Variants in RASAL2 observed in about 807,000 individuals in gnomAD.
RASAL2 encodes the protein RAS protein activator like 2, also known as ras GTPase-activating protein nGAP.
Under a neutral mutation model 128.9 loss-of-function variants are expected in RASAL2, and 58 were observed. That is an observed-to-expected ratio of 0.45 (90% CI 0.36 to 0.56). RASAL2 has a LOEUF of 0.56. Ranked by LOEUF, RASAL2 falls within the 20% of genes least tolerant of loss-of-function variation. RASAL2 has a pLI of 0.00. For missense variants in RASAL2, 1,360 were observed against 1,601.6 expected, an observed-to-expected ratio of 0.85 and a Z score of 2.57; for synonymous variants, 561 against 580.8, an observed-to-expected ratio of 0.97 and a Z score of 0.49.
At chr1:178,122,287 T>C (rs2102277353) in intron 1 of RASAL2, among the ~76,000 whole-genome samples, 1 of 152,270 alleles carries the variant, frequency 6.6e-6, no homozygotes. Flanking sequence ...TAAGAAAAAA[T>C]ACGACAAGTA....
At chr1:178,120,987 G>A (rs1475921166) in intron 1 of RASAL2, 2 of 152,238 alleles carry the variant, frequency 1.3e-5, no homozygotes, top group Non-Finnish European at 2.9e-5. Flanking sequence ...GTTCCTAACA[G>A]GAACCAGGGT....
chr1:178,441,105 G>T (rs144430981), intron 6 of RASAL2, among the ~76,000 whole-genome samples: 12 of 132,438 alleles, frequency 9.1e-5, no homozygotes, highest in African/African-American at 3.4e-4. Flanking sequence ...AATGGATGTG[G>T]ATGCTACCTA....
chr1:178,128,794 C>T (rs945441954), intron 1 of RASAL2, among the ~76,000 whole-genome samples: 12 of 152,026 alleles, frequency 7.9e-5, no homozygotes, highest in African/African-American at 2.7e-4. Context: ...ATTTGTGGCT[C>T]TTTGTGACTG....
intron 1 of RASAL2, among the ~76,000 whole-genome samples, chr1:178,183,137 G>A (rs1187651981): frequency 1.3e-5 from 2 of 152,290 alleles, no homozygotes; most frequent in South Asian, 2.1e-4. Context: ...CCCTGAACTA[G>A]AGTATAGTGC....
intron 3 of RASAL2, among the ~76,000 whole-genome samples, chr1:178,376,913 T>A (rs147788767): frequency 5.1e-4 from 77 of 152,294 alleles, no homozygotes; most frequent in African/African-American, 1.4e-3. Context: ...CTTATTCTAC[T>A]ACTATTCTGT....
In RASAL2 at chr1:178,263,943, G is replaced by A. The variant is rs181752347; in HGVS notation, c.203-19621G>A. On this transcript the variant is annotated intron_variant, in intron 1 of 17. Coordinates refer to ENST00000367649, the MANE Select transcript of RASAL2 (RefSeq NM_170692.4). ...TCCATAGGAATTCTAGCAGAGGTCA[G>A]CGTGTGCCATTGTGCTCTGAGTTAG... is the stretch of plus-strand genomic sequence containing the variant. 8.3e-4 allele frequency among the ~76,000 whole-genome samples: 127 copies of A among 152,320 alleles called. 1 individual carries two copies. Among genetic ancestry groups the A allele is most frequent in the African/African-American group, 2.9e-3 (120 of 41,564 alleles).
intron 1 of RASAL2, among the ~76,000 whole-genome samples, chr1:178,135,745 G>C (rs1660299474): frequency 6.6e-6 from 1 of 152,160 alleles, no homozygotes; most frequent in Non-Finnish European, 1.5e-5. Context: ...CCATGTGGCT[G>C]GGGAAGCCTC....
intron 1 of RASAL2, among the ~76,000 whole-genome samples, chr1:178,233,477 T>C (rs1043539489): frequency 2.6e-5 from 4 of 152,292 alleles, no homozygotes; most frequent in African/African-American, 9.6e-5. Context: ...CACTGGGTGC[T>C]TATCGGTGGC....
chr1:178,280,345 C>G (rs575946449), intron 1 of RASAL2, among the ~76,000 whole-genome samples: 1 of 151,914 alleles, frequency 6.6e-6, no homozygotes, highest in Admixed American at 6.6e-5. Context: ...ATAAAAGAGT[C>G]GCTCTTTTAA....
chr1:178,327,838 A>G (rs1669110618), intron 3 of RASAL2, among the ~76,000 whole-genome samples: 1 of 152,182 alleles, frequency 6.6e-6, no homozygotes, highest in African/African-American at 2.4e-5. Flanking sequence ...TCCTAATCCA[A>G]TGACAAATTT....
intron 1 of RASAL2, among the ~76,000 whole-genome samples, chr1:178,142,235 C>G (rs1660560734): frequency 6.6e-6 from 1 of 152,072 alleles, no homozygotes; most frequent in Non-Finnish European, 1.5e-5. Flanking sequence ...AGACTCCACT[C>G]CAGCCACTTT....
intron 1 of RASAL2, among the ~76,000 whole-genome samples, chr1:178,275,360 C>G (rs1460379118): frequency 6.6e-6 from 1 of 152,176 alleles, no homozygotes; most frequent in Admixed American, 6.5e-5. Flanking sequence ...CTTATTTCTT[C>G]AAGTGCATAT....
rs57105110 is a variant in RASAL2 at position 178,129,499 on chromosome 1, A to G, written c.202+34805A>G. ...TATATATTCTGAATAAAAGATCTTT[A>G]TAAAGATAGGTGATTTTTATATGTT... On this transcript the variant is annotated intron_variant, in intron 1 of 17. Coordinates refer to ENST00000367649, the MANE Select transcript of RASAL2 (RefSeq NM_170692.4). Among the ~76,000 whole-genome samples, 838 of 152,204 alleles carry G rather than the reference A, an allele frequency of 5.5e-3. 11 individuals carry two copies. The highest frequency in any genetic ancestry group is 0.019 in the African/African-American group (785 of 41,564).
chr1:178,209,853 C>G (rs1050058461), intron 1 of RASAL2, among the ~76,000 whole-genome samples: 4 of 151,832 alleles, frequency 2.6e-5, no homozygotes, highest in African/African-American at 7.2e-5. Flanking sequence ...GGCCTTCTTT[C>G]TCTTTCTTAC....
At chr1:178,279,189 T>G (rs1267151820) in intron 1 of RASAL2, among the ~76,000 whole-genome samples, 1 of 152,234 alleles carries the variant, frequency 6.6e-6, no homozygotes, top group Non-Finnish European at 1.5e-5. Context: ...ACCATCTATA[T>G]TGGACTTCCT....
intron 1 of RASAL2, among the ~76,000 whole-genome samples, chr1:178,196,691 T>C (rs1461828553): frequency 1.3e-5 from 2 of 152,200 alleles, no homozygotes; most frequent in Admixed American, 6.5e-5. Flanking sequence ...GACTTAAGCA[T>C]CCTTGGATTC....
chr1:178,463,391 T>C (rs1205547111), intron 14 of RASAL2, among the ~76,000 whole-genome samples: 1 of 152,178 alleles, frequency 6.6e-6, no homozygotes, highest in African/African-American at 2.4e-5. Flanking sequence ...ATAAATATTG[T>C]AATGACTGAC....
chr1:178,417,907 G>A (rs1335625369), intron 4 of RASAL2, among the ~76,000 whole-genome samples: 1 of 151,950 alleles, frequency 6.6e-6, no homozygotes, highest in Non-Finnish European at 1.5e-5. Context: ...CGACTCCTCG[G>A]CCTGGATCTC....
chr1:178,464,841 T>TTTTTTTTTTTTTTTTG (rs1647506486), intron 15 of RASAL2, among the ~76,000 whole-genome samples: 4 of 143,670 alleles, frequency 2.8e-5, no homozygotes, highest in African/African-American at 1.1e-4. Flanking sequence ...GTTTTTTTTT[T>TTTTTTTTTTTTTTTTG]TTTTTTTTTT....
Sources: gnomAD v4.1 joint callset for allele counts (sites outside exome capture counted in the v4.1 genomes callset) on GRCh38, gnomAD v4.1.1 for gene constraint, MANE v1.5 for transcripts, NCBI Gene and HGNC (gene_info 2026-07-23, HGNC 2026-07-21) for gene names.